FGF14: variants seen among roughly 807,000 people sequenced by gnomAD.
FGF14 encodes the protein fibroblast growth factor 14.
In FGF14, 5 loss-of-function variants were observed where a neutral mutation model predicts 25.5. The ratio of observed to expected loss-of-function variants is 0.20; its 90% CI spans 0.10 to 0.41. The LOEUF (loss-of-function observed/expected upper bound fraction) is 0.41. Among genes scored for constraint, FGF14 ranks in the 10% least tolerant of loss-of-function variants. The pLI is 1.00. For synonymous variants in FGF14, 138 were observed against 118.3 expected (o/e 1.17, Z -1.08); for missense variants, 222 against 320.1 (o/e 0.69, Z 2.34).
In FGF14 at chr13:101,721,328, C is replaced by T. The variant is rs2034967192; in HGVS notation, c.*1503G>A. The stretch of plus-strand genomic sequence containing the variant: ...GTTCCTGGCCTTTCTTGGTAGTTGT[C>T]TTCCCTAAGCTCAAACAAACAGTGT... On this transcript the variant is annotated 3_prime_UTR_variant, in exon 5 of 5. Transcript: ENST00000376143. The T allele has an allele frequency of 6.6e-6, 1 of 152,076 alleles. No individual in the cohort carries two copies. The highest frequency in any genetic ancestry group is 2.4e-5 in the African/African-American group (1 of 41,410). 9.4% of individuals were successfully genotyped at this position (152,076 alleles called of 1,614,324 possible).
chr13:101,836,694 T>C (rs1181537978), intron 3 of FGF14, among the ~76,000 whole-genome samples: 2 of 152,100 alleles, frequency 1.3e-5, no homozygotes, highest in African/African-American at 4.8e-5. Flanking sequence ...CTTTTCCAAG[T>C]GTATGACAGT....
intron 1 of FGF14, among the ~76,000 whole-genome samples, chr13:102,273,293 T>C (rs1400114095): frequency 6.6e-6 from 1 of 152,168 alleles, no homozygotes; most frequent in Non-Finnish European, 1.5e-5. Context: ...TTATAGGAAA[T>C]AGAATTCATG....
chr13:102,031,667 CAA>C (rs778110304), intron 1 of FGF14, among the ~76,000 whole-genome samples: 2 of 138,218 alleles, frequency 1.4e-5, no homozygotes. Flanking sequence ...CATAAAACAG[CAA>C]AAAAAAAAAA....
At chr13:102,360,810 C>T (rs1315099483) in intron 1 of FGF14, among the ~76,000 whole-genome samples, 1 of 152,040 alleles carries the variant, frequency 6.6e-6, no homozygotes, top group Non-Finnish European at 1.5e-5. Flanking sequence ...CGTGTCTTAA[C>T]CAAGCCAGTT....
intron 1 of FGF14, among the ~76,000 whole-genome samples, chr13:102,074,246 T>C (rs2043267538): frequency 6.6e-6 from 1 of 152,310 alleles, no homozygotes; most frequent in Middle Eastern, 3.4e-3. Context: ...ACTTCTGGAC[T>C]CAAATCATCC....
At chr13:102,361,790 T>C (rs1195485246) in intron 1 of FGF14, among the ~76,000 whole-genome samples, 1 of 152,172 alleles carries the variant, frequency 6.6e-6, no homozygotes, top group Non-Finnish European at 1.5e-5. Flanking sequence ...ATGTGTTCCT[T>C]GTATTCATTA....
chr13:101,782,723 T>A (rs2039579895), intron 3 of FGF14, among the ~76,000 whole-genome samples: 1 of 152,238 alleles, frequency 6.6e-6, no homozygotes, highest in South Asian at 2.1e-4. Flanking sequence ...ATGATCTCAT[T>A]CTTTTTTATG....
chr13:101,786,911 T>A lies in FGF14; in HGVS notation c.409-60101A>T, dbSNP rs116896143. On this transcript the variant is annotated intron_variant, in intron 3 of 4. Coordinates refer to ENST00000376143, the MANE Select transcript of FGF14 (RefSeq NM_004115.4). ...AGAAACTTGAAAAGAACCAACTGTC[T>A]CCACACTGGATTTTCTCAACACACA... 3.9e-5 allele frequency among the ~76,000 whole-genome samples: 6 copies of A among 152,240 alleles called. No individual in the cohort carries two copies. In the East Asian group the frequency reaches 1.2e-3, roughly 29 times the overall value.
At chr13:101,810,926 TA>T (rs2041469385) in intron 3 of FGF14, among the ~76,000 whole-genome samples, 1 of 151,982 alleles carries the variant, frequency 6.6e-6, no homozygotes, top group East Asian at 1.9e-4. Flanking sequence ...TTCACTTATT[TA>T]AAAAAACACA....
chr13:102,026,918 A>G (rs1424182770), intron 1 of FGF14, among the ~76,000 whole-genome samples: 1 of 152,060 alleles, frequency 6.6e-6, no homozygotes, highest in Non-Finnish European at 1.5e-5. Context: ...AACAAATTCT[A>G]TTAATAGCTT....
chr13:101,859,485 T>C (rs1417314170), intron 3 of FGF14, among the ~76,000 whole-genome samples: 6 of 152,134 alleles, frequency 3.9e-5, no homozygotes, highest in Non-Finnish European at 8.8e-5. Flanking sequence ...TAGCTGACAA[T>C]GGAAGGAGTA....
rs183903892 is a variant in FGF14, at chr13:101,851,572, T to C, written c.408+17153A>G. Among the ~76,000 whole-genome samples the C allele has an allele frequency of 6.7e-3, 1,024 of 152,180 alleles. 11 individuals carry two copies. The highest frequency in any genetic ancestry group is 0.018 in the South Asian group (87 of 4,822). On this transcript the variant is annotated intron_variant, in intron 3 of 4. Coordinates refer to ENST00000376143, the MANE Select transcript of FGF14 (RefSeq NM_004115.4). ...ATTATCAAGTAATATTCTACTGCAA[T>C]GGATTTAAGGGAGGTTTAAACAAGG...
chr13:102,068,751 TC>T (rs2043017630), intron 1 of FGF14, among the ~76,000 whole-genome samples: 1 of 152,134 alleles, frequency 6.6e-6, no homozygotes, highest in African/African-American at 2.4e-5. Flanking sequence ...TGCCTGAGCC[TC>T]CCACCCACTC....
intron 1 of FGF14, among the ~76,000 whole-genome samples, chr13:102,382,866 A>T (rs1457956049): frequency 6.6e-6 from 1 of 152,172 alleles, no homozygotes; most frequent in Non-Finnish European, 1.5e-5. Context: ...ATATTGAATG[A>T]TTCCATTCTT....
chr13:101,951,217 G>A (rs1403906135), intron 1 of FGF14, among the ~76,000 whole-genome samples: 1 of 152,100 alleles, frequency 6.6e-6, no homozygotes, highest in Non-Finnish European at 1.5e-5. Flanking sequence ...AATTGCCTAA[G>A]GTTTGTAATC....
At chr13:101,762,067 T>C (rs9518517) in intron 3 of FGF14, among the ~76,000 whole-genome samples, 137,287 of 152,182 alleles carry the variant, frequency 0.9, 63,679 homozygotes, top group East Asian at 1. Flanking sequence ...TGTGCTGTGC[T>C]GTGAGTAGCC....
chr13:102,073,954 C>CCT (rs2043250864), intron 1 of FGF14, among the ~76,000 whole-genome samples: 1 of 152,070 alleles, frequency 6.6e-6, no homozygotes. Flanking sequence ...TCATTCGCTC[C>CCT]CTCTCTCTCT....
intron 1 of FGF14, among the ~76,000 whole-genome samples, chr13:102,287,349 C>T (rs2054156204): frequency 8.1e-6 from 1 of 122,988 alleles, no homozygotes; most frequent in Non-Finnish European, 1.7e-5. Flanking sequence ...AGCAAAGCCA[C>T]CTTAGTTTAT....
intron 1 of FGF14, among the ~76,000 whole-genome samples, chr13:101,948,440 T>G (rs909913154): frequency 6.8e-6 from 1 of 148,090 alleles, no homozygotes; most frequent in Non-Finnish European, 1.5e-5. Flanking sequence ...GTTGTGCACA[T>G]GTACCCTAGA....
Sources: gnomAD v4.1 joint callset for allele counts (sites outside exome capture counted in the v4.1 genomes callset) on GRCh38, gnomAD v4.1.1 for gene constraint, MANE v1.5 for transcripts, NCBI Gene and HGNC (gene_info 2026-07-23, HGNC 2026-07-21) for gene names.